Variants in ADAMTSL1 observed in about 807,000 individuals in gnomAD.
ADAMTSL1 encodes ADAMTS-like protein 1.
In ADAMTSL1, 126 loss-of-function variants were observed where a neutral mutation model predicts 201.8. The ratio of observed to expected loss-of-function variants is 0.62; its 90% confidence interval spans 0.54 to 0.72. The LOEUF (loss-of-function observed/expected upper bound fraction) is 0.72, where lower values mean the gene tolerates loss of function less well. Among genes scored for constraint, ADAMTSL1 ranks in the 30% least tolerant of loss-of-function variants. The pLI is 0.00. For synonymous variants in ADAMTSL1, 1,121 were observed against 903.4 expected, an observed-to-expected ratio of 1.24 and a Z score of -4.32; for missense variants, 2,679 against 2,277.8, an observed-to-expected ratio of 1.18 and a Z score of -3.59.
intron 1 of ADAMTSL1, among the ~76,000 whole-genome samples, chr9:17,965,875 G>A (rs964280402): frequency 6.6e-6 from 1 of 152,144 alleles, no homozygotes; most frequent in East Asian, 1.9e-4. Flanking sequence ...CATCCCAGAA[G>A]TAAAGCCAGG....
At chr9:18,675,769 A>G in intron 9 of ADAMTSL1, 88 bp from the exon 10 acceptor site, 1 of 1,165,740 alleles carries the variant, frequency 8.6e-7, no homozygotes, top group Non-Finnish European at 1.3e-6. Context: ...TTGCATTTGT[A>G]TTAAAAATTT....
chr9:18,491,520 T>C (rs1209962567), intron 1 of ADAMTSL1, among the ~76,000 whole-genome samples: 1 of 152,250 alleles, frequency 6.6e-6, no homozygotes, highest in Non-Finnish European at 1.5e-5. Flanking sequence ...TCTGCAAGCA[T>C]TGAGAGCCAG....
chr9:17,915,733 T>C (rs1044191774), intron 1 of ADAMTSL1, among the ~76,000 whole-genome samples: 12 of 152,230 alleles, frequency 7.9e-5, no homozygotes, highest in African/African-American at 2.9e-4. Context: ...TTTCTTTTGG[T>C]CATTCAAACA....
chr9:18,034,882 C>G (rs1821125319), intron 1 of ADAMTSL1, among the ~76,000 whole-genome samples: 1 of 152,064 alleles, frequency 6.6e-6, no homozygotes, highest in Admixed American at 6.5e-5. Context: ...TCAGTCTTTC[C>G]TCATGTTCTA....
chr9:18,838,069 G>C (rs1825429294), intron 23 of ADAMTSL1, among the ~76,000 whole-genome samples: 1 of 152,046 alleles, frequency 6.6e-6, no homozygotes, highest in African/African-American at 2.4e-5. Flanking sequence ...AGGTTTAATG[G>C]ACTTACAGTT....
chr9:18,577,363 G>A (rs1021975603), intron 4 of ADAMTSL1, among the ~76,000 whole-genome samples: 1 of 152,120 alleles, frequency 6.6e-6, no homozygotes, highest in Non-Finnish European at 1.5e-5. Flanking sequence ...GCAGGTGCTC[G>A]TATTCGCAGC....
intron 1 of ADAMTSL1, among the ~76,000 whole-genome samples, chr9:18,043,420 G>C (rs1821516595): frequency 6.6e-6 from 1 of 152,140 alleles, no homozygotes; most frequent in Admixed American, 6.5e-5. Flanking sequence ...AGCTTCCAAA[G>C]CAACTGGCCA....
At chr9:18,188,469 G>A (rs1049369412) in intron 2 of ADAMTSL1, among the ~76,000 whole-genome samples, 3 of 152,074 alleles carry the variant, frequency 2.0e-5, no homozygotes, top group Non-Finnish European at 4.4e-5. Context: ...GAACATAATT[G>A]TCTTCAAATA....
chr9:18,717,997 T>C, intron 14 of ADAMTSL1: 4 of 1,592,342 alleles, frequency 2.5e-6, no homozygotes, highest in Non-Finnish European at 3.4e-6. Context: ...ATGATGACTT[T>C]TTGCGAGCCT....
At chr9:18,244,145 C>T (rs1831172831) in intron 2 of ADAMTSL1, among the ~76,000 whole-genome samples, 1 of 150,844 alleles carries the variant, frequency 6.6e-6, no homozygotes, top group Non-Finnish European at 1.5e-5. Flanking sequence ...TTCATAGCTG[C>T]CTACAACACT....
chr9:17,930,061 A>G (rs1242109544), intron 1 of ADAMTSL1, among the ~76,000 whole-genome samples: 1 of 152,234 alleles, frequency 6.6e-6, no homozygotes, highest in African/African-American at 2.4e-5. Context: ...TATTAATTAC[A>G]GCAGCACCTA....
intron 23 of ADAMTSL1, among the ~76,000 whole-genome samples, chr9:18,833,304 T>A (rs1267094890): frequency 6.6e-6 from 1 of 152,232 alleles, no homozygotes; most frequent in Non-Finnish European, 1.5e-5. Context: ...ATGGTTGAAC[T>A]AATTTACACT....
At chr9:18,331,665 T>C (rs1207329017) in intron 2 of ADAMTSL1, among the ~76,000 whole-genome samples, 1 of 152,086 alleles carries the variant, frequency 6.6e-6, no homozygotes, top group Non-Finnish European at 1.5e-5. Flanking sequence ...CAAAAACAAT[T>C]TGCCACAAGA....
intron 14 of ADAMTSL1, among the ~76,000 whole-genome samples, chr9:18,713,952 A>T (rs1446676559): frequency 6.7e-6 from 1 of 149,668 alleles, no homozygotes; most frequent in Non-Finnish European, 1.5e-5. Flanking sequence ...ATCTCACTCA[A>T]AACTGCTCAA....
chr9:17,961,331 C>T (rs1381848729), intron 1 of ADAMTSL1, among the ~76,000 whole-genome samples: 1 of 152,128 alleles, frequency 6.6e-6, no homozygotes, highest in Non-Finnish European at 1.5e-5. Context: ...TAACCACAAC[C>T]TCCACCTCCC....
chr9:18,348,614 G>C (rs1368991122), intron 2 of ADAMTSL1, among the ~76,000 whole-genome samples: 1 of 152,120 alleles, frequency 6.6e-6, no homozygotes, highest in African/African-American at 2.4e-5. Context: ...GGAAAGATCT[G>C]GAAGTAGTAT....
At chr9:18,596,696 G>T (rs11794157) in intron 4 of ADAMTSL1, among the ~76,000 whole-genome samples, 1 of 152,124 alleles carries the variant, frequency 6.6e-6, no homozygotes, top group African/African-American at 2.4e-5. Flanking sequence ...GAGGTTATGA[G>T]AGATTTTGTA....
At chr9:18,182,726 G>GA (rs1301486231) in intron 2 of ADAMTSL1, among the ~76,000 whole-genome samples, 4 of 152,198 alleles carry the variant, frequency 2.6e-5, no homozygotes, top group African/African-American at 9.6e-5. Flanking sequence ...GATCATATCA[G>GA]AAATAATCTT....
intron 7 of ADAMTSL1, among the ~76,000 whole-genome samples, chr9:18,649,781 G>C (rs146123830): frequency 6.6e-6 from 1 of 152,008 alleles, no homozygotes; most frequent in African/African-American, 2.4e-5. Context: ...CGCCGTGTGA[G>C]GTGTCAGTCT....
Sources: allele counts gnomAD v4.1 joint callset (sites outside exome capture counted in the v4.1 genomes callset), GRCh38; gene constraint gnomAD v4.1.1; transcripts MANE v1.5; gene names NCBI Gene and HGNC (gene_info 2026-07-23, HGNC 2026-07-21).